Variants in NCKAP1 observed in about 807,000 individuals in gnomAD.
NCKAP1 encodes NCK associated protein 1, also known as nck-associated protein 1.
A neutral mutation model predicts 151.2 loss-of-function variants in NCKAP1; 21 were observed. The observed-to-expected ratio is 0.14, with a 90% CI of 0.10 to 0.20. NCKAP1 has a LOEUF of 0.20. Among genes scored for constraint, NCKAP1 ranks in the 10% least tolerant of loss-of-function variants. The probability of loss-of-function intolerance (pLI) is 1.00; values close to 1 mark genes in which losing one functional copy is unlikely to be tolerated. For missense variants in NCKAP1, 933 were observed against 1,352.1 expected, an observed-to-expected ratio of 0.69 and a Z score of 4.86; for synonymous variants, 484 against 451.8, an observed-to-expected ratio of 1.07 and a Z score of -0.90.
At chr2:182,943,287 T>C (rs1697034429) in intron 23 of NCKAP1, among the ~76,000 whole-genome samples, 1 of 152,134 alleles carries the variant, frequency 6.6e-6, no homozygotes, top group Non-Finnish European at 1.5e-5. Flanking sequence ...ACATCTGATT[T>C]AAGGGAAAAA....
At chr2:183,031,874 A>G (rs1347168220) in intron 1 of NCKAP1, among the ~76,000 whole-genome samples, 1 of 152,226 alleles carries the variant, frequency 6.6e-6, no homozygotes, top group African/African-American at 2.4e-5. Flanking sequence ...CTGAGAGCAA[A>G]TAAGTACCAT....
At chr2:183,003,124 C>G in intron 3 of NCKAP1, 94 bp from the exon 4 acceptor site, 1 of 1,311,486 alleles carries the variant, frequency 7.6e-7, no homozygotes, top group Non-Finnish European at 1.1e-6. Context: ...AACTTCAGTT[C>G]TGGAAGAATT....
At chr2:182,952,528 T>C in intron 22 of NCKAP1, 26 bp from the exon 23 acceptor site, 2 of 1,484,738 alleles carry the variant, frequency 1.3e-6, no homozygotes, top group South Asian at 1.2e-5. Flanking sequence ...CTTAATTTTA[T>C]ACTTCCGACA....
intron 2 of NCKAP1, among the ~76,000 whole-genome samples, chr2:183,017,666 C>A (rs1320109814): frequency 1.3e-5 from 2 of 151,988 alleles, no homozygotes; most frequent in Non-Finnish European, 1.5e-5. Context: ...GGGTTGGGGA[C>A]CCTGATCTAG....
At chr2:182,985,338 T>C (rs1698031408) in intron 10 of NCKAP1, among the ~76,000 whole-genome samples, 1 of 152,184 alleles carries the variant, frequency 6.6e-6, no homozygotes, top group Non-Finnish European at 1.5e-5. Flanking sequence ...GAAAATATTC[T>C]ATATTAAGTA....
chr2:182,935,178 A>C (rs1696848835), intron 25 of NCKAP1, 115 bp downstream of exon 25: 1 of 791,584 alleles, frequency 1.3e-6, no homozygotes, highest in African/African-American at 1.8e-5. Context: ...AACTACTAAA[A>C]CTGGAATTTT....
chr2:182,971,905 A>C (rs1559087758), intron 15 of NCKAP1, among the ~76,000 whole-genome samples: 1 of 152,180 alleles, frequency 6.6e-6, no homozygotes, highest in Non-Finnish European at 1.5e-5. Context: ...CATACAAAAA[A>C]AATCAAATCA....
chr2:182,979,433 C>G (rs1697893446), intron 13 of NCKAP1, among the ~76,000 whole-genome samples: 1 of 151,992 alleles, frequency 6.6e-6, no homozygotes, highest in African/African-American at 2.4e-5. Flanking sequence ...CCTTTTCAAT[C>G]TAGCTTAAAA....
intron 15 of NCKAP1, among the ~76,000 whole-genome samples, chr2:182,973,340 T>C (rs1235063130): frequency 6.6e-6 from 1 of 151,968 alleles, no homozygotes; most frequent in African/African-American, 2.4e-5. Flanking sequence ...AGTAAAAGAA[T>C]ATAAACAATT....
intron 2 of NCKAP1, among the ~76,000 whole-genome samples, chr2:183,010,416 G>A (rs997887732): frequency 6.6e-6 from 1 of 152,194 alleles, no homozygotes; most frequent in Admixed American, 6.5e-5. Flanking sequence ...TGCACCAGTG[G>A]AATGCACTGC....
chr2:182,963,690 G>A (rs1297918833), intron 17 of NCKAP1, among the ~76,000 whole-genome samples: 1 of 151,974 alleles, frequency 6.6e-6, no homozygotes, highest in South Asian at 2.1e-4. Flanking sequence ...AAAATTAGAA[G>A]GATTTTATGG....
At chr2:182,951,538 G>C (rs1697215501) in intron 23 of NCKAP1, among the ~76,000 whole-genome samples, 1 of 150,564 alleles carries the variant, frequency 6.6e-6, no homozygotes, top group South Asian at 2.1e-4. Flanking sequence ...GCTTGGTGGT[G>C]CGTGCCTGTA....
chr2:182,945,430 G>A (rs952062377), intron 23 of NCKAP1, among the ~76,000 whole-genome samples: 1 of 151,646 alleles, frequency 6.6e-6, no homozygotes, highest in Non-Finnish European at 1.5e-5. Context: ...AACCAGCAAA[G>A]AAATTACAGA....
At chr2:182,965,334 T>A (rs2105836971) in intron 16 of NCKAP1, among the ~76,000 whole-genome samples, 1 of 151,908 alleles carries the variant, frequency 6.6e-6, no homozygotes, top group Non-Finnish European at 1.5e-5. Flanking sequence ...TTTTTTTTTT[T>A]AACTTTTTTT....
chr2:183,006,111 AACATCTAT>A, intron 2 of NCKAP1, among the ~76,000 whole-genome samples: 1 of 152,342 alleles, frequency 6.6e-6, no homozygotes, highest in Non-Finnish European at 1.5e-5. Context: ...ATCCAATGCA[AACATCTAT>A]CAGATAAGGG....
chr2:182,913,027 T>C lies in NCKAP1; in HGVS notation c.*12675A>G, dbSNP rs2105785629. The C allele has an allele frequency of 6.6e-6, 1 of 152,382 alleles. No individual in the cohort carries two copies. The highest frequency in any genetic ancestry group is 2.1e-4 in the South Asian group (1 of 4,828). 9.4% of individuals were successfully genotyped at this position (152,382 alleles called of 1,614,324 possible). ...TTTCACTTGAGCCTCTGTTCAGTTT[T>C]GACGTTACCATGTTGAATAGTTGTT... On this transcript the variant is annotated 3_prime_UTR_variant, in exon 31 of 31. Transcript: ENST00000361354.
At chr2:182,929,830 T>C (rs767736536) in intron 27 of NCKAP1, among the ~76,000 whole-genome samples, 1 of 151,740 alleles carries the variant, frequency 6.6e-6, no homozygotes, top group South Asian at 2.1e-4. Context: ...AGGGGCATTT[T>C]AGTAGTAGAA....
In NCKAP1 at chr2:183,015,790, T is replaced by C. The variant is rs1199464708; in HGVS notation, c.219+8016A>G. 2.5e-4 allele frequency among the ~76,000 whole-genome samples: 37 copies of C among 146,494 alleles called. No individual in the cohort carries two copies. The Admixed American group carries it at 2.5e-3, about 10-fold the overall frequency. ...ATAAATATAGTATCAGAACACTGTA[T>C]AATTACAGAACCAAAAAAAAAAGCA... is the stretch of plus-strand genomic sequence containing the variant. On this transcript the variant is annotated intron_variant, in intron 2 of 30. Transcript: ENST00000361354.
intron 18 of NCKAP1, among the ~76,000 whole-genome samples, chr2:182,961,466 A>G (rs1697450075): frequency 6.6e-6 from 1 of 152,218 alleles, no homozygotes; most frequent in Non-Finnish European, 1.5e-5. Context: ...ATTCTCAGCA[A>G]ACTATCGCAA....
Sources: gnomAD v4.1 joint callset for allele counts (sites outside exome capture counted in the v4.1 genomes callset) on GRCh38, gnomAD v4.1.1 for gene constraint, MANE v1.5 for transcripts, NCBI Gene and HGNC (gene_info 2026-07-23, HGNC 2026-07-21) for gene names.